The following ROBO1 variants were observed in gnomAD, a reference collection of about 807,000 sequenced individuals.
ROBO1 encodes the protein roundabout homolog 1.
Under a neutral mutation model 195.9 loss-of-function variants are expected in ROBO1, and 149 were observed. That is an observed-to-expected ratio of 0.76 (90% CI 0.67 to 0.87). The LOEUF (loss-of-function observed/expected upper bound fraction) is 0.87, where lower values mean the gene tolerates loss of function less well. Ranked by LOEUF, ROBO1 falls within the 40% of genes least tolerant of loss-of-function variation. ROBO1 has a pLI of 0.00. For missense variants in ROBO1, 1,933 were observed against 2,068.3 expected (o/e 0.93, Z 1.27); for synonymous variants, 816 against 733.2 (o/e 1.11, Z -1.82).
chr3:79,682,690 T>C (rs1405095654), intron 1 of ROBO1, among the ~76,000 whole-genome samples: 2 of 152,024 alleles, frequency 1.3e-5, no homozygotes, highest in Non-Finnish European at 2.9e-5. Context: ...ATGGTTATAG[T>C]AGATGGCTCT....
chr3:78,660,925 T>G lies in ROBO1; in HGVS notation c.2320+105A>C. On this transcript the variant is annotated intron_variant, in intron 16 of 30. Transcript: ENST00000464233. ...AATGTATGTTCAATATCAAGAAAGT[T>G]AGTAATTAATGCCACTATTAACATT... is the stretch of plus-strand genomic sequence containing the variant. 3.8e-6 allele frequency: 3 copies of G among 794,100 alleles called. No individual in the cohort carries two copies. In the South Asian group the frequency reaches 6.3e-5, roughly 17 times the overall value. The allele number at this position is 794,100 out of a possible 1,614,324, so 49.2% of individuals were successfully genotyped here.
At chr3:79,139,533 T>C (rs992112061) in intron 2 of ROBO1, among the ~76,000 whole-genome samples, 1 of 152,144 alleles carries the variant, frequency 6.6e-6, no homozygotes, top group Non-Finnish European at 1.5e-5. Flanking sequence ...ATAGAAATAA[T>C]GTGATGACTA....
At chr3:79,450,887 G>A (rs928746288) in intron 2 of ROBO1, among the ~76,000 whole-genome samples, 8 of 151,744 alleles carry the variant, frequency 5.3e-5, no homozygotes, top group Non-Finnish European at 8.8e-5. Flanking sequence ...TAATTATTCA[G>A]TTCTGATTTT....
At chr3:79,643,958 G>C (rs1945742020) in intron 1 of ROBO1, among the ~76,000 whole-genome samples, 1 of 152,080 alleles carries the variant, frequency 6.6e-6, no homozygotes, top group South Asian at 2.1e-4. Context: ...CAACACTCAA[G>C]TCTATGCTGT....
At chr3:78,760,830 G>T (rs1316578777) in intron 4 of ROBO1, among the ~76,000 whole-genome samples, 1 of 138,780 alleles carries the variant, frequency 7.2e-6, no homozygotes, top group Admixed American at 6.8e-5. Context: ...TTGTAGAGAG[G>T]GGGGTCTAAC....
chr3:79,624,538 G>A (rs1945108147), intron 1 of ROBO1, among the ~76,000 whole-genome samples: 1 of 151,688 alleles, frequency 6.6e-6, no homozygotes, highest in Non-Finnish European at 1.5e-5. Flanking sequence ...AAAAAAGCAG[G>A]GATTACAAGC....
At chr3:79,048,411 G>A (rs1219598327) in intron 3 of ROBO1, among the ~76,000 whole-genome samples, 2 of 151,962 alleles carry the variant, frequency 1.3e-5, no homozygotes, top group African/African-American at 4.8e-5. Flanking sequence ...CTTTTCATCT[G>A]GTAGCCTCCC....
At chr3:79,224,357 G>T (rs536222106) in intron 2 of ROBO1, among the ~76,000 whole-genome samples, 6 of 152,276 alleles carry the variant, frequency 3.9e-5, no homozygotes, top group African/African-American at 1.2e-4. Context: ...TTTTGCAGTT[G>T]CTGAGTCTGG....
intron 18 of ROBO1, among the ~76,000 whole-genome samples, chr3:78,654,030 A>AT (rs1323018319): frequency 2.0e-5 from 3 of 152,204 alleles, no homozygotes; most frequent in African/African-American, 7.2e-5. Context: ...AGATAGAAAG[A>AT]TTTTTCAATC....
At chr3:79,698,425 G>A (rs1560110093) in intron 1 of ROBO1, among the ~76,000 whole-genome samples, 1 of 151,406 alleles carries the variant, frequency 6.6e-6, no homozygotes, top group African/African-American at 2.4e-5. Context: ...GATAGATGAA[G>A]TAGACAGATT....
intron 3 of ROBO1, among the ~76,000 whole-genome samples, chr3:79,109,550 G>C (rs1160512781): frequency 6.6e-6 from 1 of 151,980 alleles, no homozygotes; most frequent in Non-Finnish European, 1.5e-5. Flanking sequence ...CTAGCACCTT[G>C]ATGTTGCTAT....
intron 2 of ROBO1, among the ~76,000 whole-genome samples, chr3:79,414,181 GTCTCTCTCTCTCTCTCTT>G (rs1467811741): frequency 1.3e-5 from 2 of 148,610 alleles, no homozygotes; most frequent in Admixed American, 1.3e-4. Flanking sequence ...TATATTAACA[GTCTCTCTCTCTCTCTCTT>G]TCTCTCTCTC....
chr3:79,001,434 A>G (rs1384439414), intron 3 of ROBO1, among the ~76,000 whole-genome samples: 2 of 152,082 alleles, frequency 1.3e-5, no homozygotes, highest in Admixed American at 1.3e-4. Flanking sequence ...ACAATTCAAG[A>G]TGAGATTTGG....
chr3:78,813,916 G>C (rs1374908450), intron 4 of ROBO1, among the ~76,000 whole-genome samples: 1 of 151,968 alleles, frequency 6.6e-6, no homozygotes, highest in Admixed American at 6.6e-5. Context: ...TGTGAGAGTG[G>C]ATCCAGAGTA....
At chr3:79,098,791 T>C (rs1461942222) in intron 3 of ROBO1, among the ~76,000 whole-genome samples, 1 of 151,866 alleles carries the variant, frequency 6.6e-6, no homozygotes, top group Non-Finnish European at 1.5e-5. Context: ...AATTAACTAA[T>C]TAATTTTTTC....
intron 1 of ROBO1, among the ~76,000 whole-genome samples, chr3:79,634,038 A>T (rs1340827546): frequency 2.6e-5 from 4 of 152,024 alleles, no homozygotes; most frequent in Admixed American, 6.6e-5. Flanking sequence ...AGTTTGAATA[A>T]ATGTGTGGAA....
intron 3 of ROBO1, among the ~76,000 whole-genome samples, chr3:78,979,832 C>A (rs1054771499): frequency 6.6e-6 from 1 of 152,010 alleles, no homozygotes; most frequent in Non-Finnish European, 1.5e-5. Flanking sequence ...CAAACACACA[C>A]ACACACACAC....
intron 3 of ROBO1, among the ~76,000 whole-genome samples, chr3:78,950,060 G>T (rs976756834): frequency 6.6e-6 from 1 of 152,154 alleles, no homozygotes; most frequent in Admixed American, 6.5e-5. Flanking sequence ...TCCACTGTTG[G>T]TGGGACTGTA....
intron 1 of ROBO1, among the ~76,000 whole-genome samples, chr3:79,658,947 G>T (rs541453887): frequency 2.0e-5 from 3 of 151,884 alleles, no homozygotes; most frequent in Non-Finnish European, 4.4e-5. Context: ...ATGTTGGCCA[G>T]GCTGGTCTTG....
Sources: gnomAD v4.1 joint callset for allele counts (sites outside exome capture counted in the v4.1 genomes callset) on GRCh38, gnomAD v4.1.1 for gene constraint, MANE v1.5 for transcripts, NCBI Gene and HGNC (gene_info 2026-07-23, HGNC 2026-07-21) for gene names.